The following IQGAP2 variants were observed in gnomAD, a reference collection of about 807,000 sequenced individuals.
IQGAP2 encodes the protein IQ motif containing GTPase activating protein 2.
IQGAP2 carries 173 observed loss-of-function variants against 201.3 expected under a neutral mutation model. The observed-to-expected ratio is 0.86, with a 90% CI of 0.76 to 0.98. The LOEUF is 0.98. Ranked by LOEUF, IQGAP2 falls within the 50% of genes least tolerant of loss-of-function variation. The pLI, the probability that IQGAP2 is intolerant of heterozygous loss-of-function variation, is 0.00. For missense variants in IQGAP2, 1,687 were observed against 1,864.8 expected (o/e 0.90, Z 1.76); for synonymous variants, 675 against 673.9 (o/e 1.00, Z -0.03).
Position 76,611,006 on chromosome 5 carries a change from T to C in IQGAP2, c.1358-14T>C. On this transcript the variant is annotated splice_polypyrimidine_tract_variant and intron_variant, in intron 12 of 35. Coordinates refer to ENST00000274364, the MANE Select transcript of IQGAP2 (RefSeq NM_006633.5). ...ACTGTGACTTAAAAGGAAAACTACTTCTTCATTTTCTAGGAGTTGTAGCTG... is the reference window on the plus strand; with the variant it reads ...ACTGTGACTTAAAAGGAAAACTACTCCTTCATTTTCTAGGAGTTGTAGCTG... 6.3e-7 allele frequency: 1 copy of C among 1,598,378 alleles called. No homozygotes were observed. Among genetic ancestry groups the C allele is most frequent in the Non-Finnish European group, 8.5e-7 (1 of 1,174,154 alleles).
In IQGAP2 at chr5:76,403,417, T is replaced by C. The variant is rs943731653; in HGVS notation, c.-129T>C. 3.2e-6 allele frequency: 2 copies of C among 632,494 alleles called. No homozygotes were observed. Among genetic ancestry groups the C allele is most frequent in the Non-Finnish European group, 4.7e-6 (2 of 429,502 alleles). 39.2% of individuals were successfully genotyped at this position (632,494 alleles called of 1,614,324 possible). ...CACCGAGGGAGTGGGTCGCAGATCTTCGGGCGGCTAGGGGAAATCGGCGAG... is the reference window on the plus strand; with the variant it reads ...CACCGAGGGAGTGGGTCGCAGATCTCCGGGCGGCTAGGGGAAATCGGCGAG... On this transcript the variant is annotated 5_prime_UTR_variant, in exon 1 of 36. Coordinates refer to ENST00000274364, the MANE Select transcript of IQGAP2 (RefSeq NM_006633.5). This position sits in a 1 kb window ranked among gnomAD's most constrained non-coding sequence, Gnocchi z 4.8.
At chr5:76,694,065 G>A (rs2150539970) in intron 31 of IQGAP2, 1 of 152,296 alleles carries the variant, frequency 6.6e-6, no homozygotes, top group East Asian at 1.9e-4. Flanking sequence ...TCTTAGCACA[G>A]CTACACATAA....
intron 14 of IQGAP2, among the ~76,000 whole-genome samples, chr5:76,631,615 C>T (rs1389003963): frequency 6.6e-6 from 1 of 152,080 alleles, no homozygotes; most frequent in African/African-American, 2.4e-5. Flanking sequence ...GCCTTCATAC[C>T]ACATATGAGT....
intron 2 of IQGAP2, among the ~76,000 whole-genome samples, chr5:76,551,869 C>G (rs891176008): frequency 2.3e-5 from 1 of 44,114 alleles, no homozygotes; most frequent in Non-Finnish European, 4.3e-5. Flanking sequence ...GAGAGGGAGA[C>G]GGAGAGGGGG....
intron 2 of IQGAP2, among the ~76,000 whole-genome samples, chr5:76,492,752 T>G (rs1292358487): frequency 6.6e-6 from 1 of 152,124 alleles, no homozygotes; most frequent in Non-Finnish European, 1.5e-5. Context: ...GCAGGGAGCA[T>G]CCTGACCCAA....
At chr5:76,648,936 T>C (rs757844253) in intron 17 of IQGAP2, among the ~76,000 whole-genome samples, 42 of 152,106 alleles carry the variant, frequency 2.8e-4, no homozygotes, top group Non-Finnish European at 5.4e-4. Context: ...AGATTTGACA[T>C]TTGTGTCATC....
At chr5:76,450,502 AGT>A (rs769255762) in intron 1 of IQGAP2, among the ~76,000 whole-genome samples, 1 of 152,214 alleles carries the variant, frequency 6.6e-6, no homozygotes, top group Non-Finnish European at 1.5e-5. Context: ...TTTGAATCTT[AGT>A]TAAGTGGAGG....
At chr5:76,589,021 T>C (rs1488113000) in intron 6 of IQGAP2, 48 bp downstream of exon 6, 10 of 1,329,754 alleles carry the variant, frequency 7.5e-6, no homozygotes, top group Non-Finnish European at 1.1e-5. Context: ...TTATAAAAAG[T>C]ACCAATACCT....
In IQGAP2 at chr5:76,592,923, A is replaced by G. The variant is rs1264875033; in HGVS notation, c.905A>G (p.Asn302Ser). 1.9e-6 allele frequency: 3 copies of G among 1,587,706 alleles called. No homozygotes were observed. Among genetic ancestry groups the G allele is most frequent in the South Asian group, 1.1e-5 (1 of 90,492 alleles). Reference protein sequence around the residue: ...AEIQGNINKVNRQAAVDHINA... With the variant: ...AEIQGNINKVSRQAAVDHINA... ...ATCCAAGGCAATATTAATAAAGTCA[A>G]CAGTAAGTAATGGATCGTATGAAGG... is the stretch of plus-strand genomic sequence containing the variant. Residue 302 changes from asparagine (N) to serine (S), a missense_variant and splice_region_variant, in exon 9 of 36, where the codon AAC becomes AGC. Coordinates refer to ENST00000274364, the MANE Select transcript of IQGAP2 (RefSeq NM_006633.5).
chr5:76,469,571 ATT>A (rs1345105482), intron 2 of IQGAP2, among the ~76,000 whole-genome samples: 2 of 151,944 alleles, frequency 1.3e-5, no homozygotes, highest in East Asian at 3.9e-4. Flanking sequence ...TGTCTGGCTA[ATT>A]TTTATATTGT....
At chr5:76,682,743 A>G (rs966156695) in intron 28 of IQGAP2, among the ~76,000 whole-genome samples, 2 of 152,202 alleles carry the variant, frequency 1.3e-5, no homozygotes, top group African/African-American at 4.8e-5. Context: ...ATAGAGATGT[A>G]AATGCCCTTC....
chr5:76,449,656 A>T (rs1022263001), intron 1 of IQGAP2, among the ~76,000 whole-genome samples: 1 of 152,232 alleles, frequency 6.6e-6, no homozygotes. Flanking sequence ...CTAGTGGACC[A>T]TTAGTAGGAA....
chr5:76,469,627 C>A (rs1205645697), intron 2 of IQGAP2, among the ~76,000 whole-genome samples: 1 of 152,142 alleles, frequency 6.6e-6, no homozygotes, highest in East Asian at 1.9e-4. Context: ...TGGTCTCAAA[C>A]TCTTGGCCTC....
In IQGAP2 at chr5:76,410,772, G is replaced by A. The variant is rs554557485; in HGVS notation, c.46+7181G>A. 8.5e-5 allele frequency among the ~76,000 whole-genome samples: 13 copies of A among 152,126 alleles called. 1 individual carries two copies. Among genetic ancestry groups the A allele is most frequent in the African/African-American group, 2.4e-4 (10 of 41,498 alleles). On this transcript the variant is annotated intron_variant, in intron 1 of 35. Transcript: ENST00000274364. Reference sequence around the variant, plus strand: ...TACCTTTCAGATTTCACTGATTTACGGTCCTGCAATGTCCAGCATCCCAGT... The same window carrying A: ...TACCTTTCAGATTTCACTGATTTACAGTCCTGCAATGTCCAGCATCCCAGT...
rs936335868 is a variant in IQGAP2, at chr5:76,403,704, C to A, written c.46+113C>A. On this transcript the variant is annotated intron_variant, in intron 1 of 35. Coordinates refer to ENST00000274364, the MANE Select transcript of IQGAP2 (RefSeq NM_006633.5). The surrounding 1 kb of genome is among the most constrained non-coding windows in gnomAD (Gnocchi z 4.8). ...GCGCGGCGCAGAGGAAATTGGAAGGCAGCAACTGCGCGGCTGGCAAAGTTG... is the reference window on the plus strand; with the variant it reads ...GCGCGGCGCAGAGGAAATTGGAAGGAAGCAACTGCGCGGCTGGCAAAGTTG... 37 of 869,136 alleles carry A rather than the reference C, an allele frequency of 4.3e-5. No homozygotes were observed. The African/African-American group carries it at 6.2e-4, about 15-fold the overall frequency. 53.8% of individuals were successfully genotyped at this position (869,136 alleles called of 1,614,324 possible).
At chr5:76,693,256 T>C in intron 30 of IQGAP2, 99 bp from the exon 31 acceptor site, 1 of 686,728 alleles carries the variant, frequency 1.5e-6, no homozygotes, top group South Asian at 1.9e-5. Context: ...TCTTTGAAGC[T>C]TCAGTATTGT....
chr5:76,493,127 C>G (rs1419281820), intron 2 of IQGAP2, among the ~76,000 whole-genome samples: 1 of 152,160 alleles, frequency 6.6e-6, no homozygotes, highest in Non-Finnish European at 1.5e-5. Context: ...TCCCTTGTCC[C>G]CACTTGCTCT....
intron 10 of IQGAP2, among the ~76,000 whole-genome samples, chr5:76,597,864 T>C (rs929477455): frequency 6.6e-6 from 1 of 152,224 alleles, no homozygotes; most frequent in Admixed American, 6.5e-5. Flanking sequence ...TTGTTCTTAT[T>C]TTCTGTGTGA....
intron 14 of IQGAP2, among the ~76,000 whole-genome samples, chr5:76,629,810 T>G (rs889361050): frequency 6.6e-6 from 1 of 152,204 alleles, no homozygotes; most frequent in African/African-American, 2.4e-5. Flanking sequence ...AAACATTTTT[T>G]GGATCTCTTA....
Sources: allele counts gnomAD v4.1 joint callset (sites outside exome capture counted in the v4.1 genomes callset), GRCh38; gene constraint gnomAD v4.1.1; non-coding constraint Gnocchi (gnomAD v3.1); transcripts MANE v1.5; gene names NCBI Gene and HGNC (gene_info 2026-07-23, HGNC 2026-07-21).